The following PNPT1 variants were observed in gnomAD, a reference collection of about 807,000 sequenced individuals.
PNPT1 encodes the protein polyribonucleotide nucleotidyltransferase 1.
Under a neutral mutation model 119.5 loss-of-function variants are expected in PNPT1, and 53 were observed. The observed-to-expected ratio is 0.44, with a 90% CI of 0.36 to 0.56. The LOEUF is 0.56. Ranked by LOEUF, PNPT1 falls within the 20% of genes least tolerant of loss-of-function variation. The pLI, the probability that PNPT1 is intolerant of heterozygous loss-of-function variation, is 0.00. For missense variants in PNPT1, 948 were observed against 938.5 expected, an observed-to-expected ratio of 1.01 and a Z score of -0.13; for synonymous variants, 357 against 322.1, an observed-to-expected ratio of 1.11 and a Z score of -1.16.
Position 55,691,848 on chromosome 2 carries a change from TTA to T in PNPT1, c.161+1813_161+1814del, listed in dbSNP as rs869195974. Reference sequence around the variant, plus strand: ...TATATTACTCTTCAATTAAAAATGTTTATATATATATATATATATATATATAT... The same window carrying T: ...TATATTACTCTTCAATTAAAAATGTTTATATATATATATATATATATATAT... On this transcript the variant is annotated intron_variant, in intron 1 of 27. Coordinates refer to ENST00000447944, the MANE Select transcript of PNPT1 (RefSeq NM_033109.5). Among the ~76,000 whole-genome samples, 474 of 87,158 alleles carry T rather than the reference TTA, an allele frequency of 5.4e-3. 8 individuals carry two copies. Among genetic ancestry groups the T allele is most frequent in the East Asian group, 0.037 (88 of 2,386 alleles). The allele number at this position is 87,158 out of a possible 152,430, so 57.2% of individuals were successfully genotyped here. A position where few individuals can be genotyped will look rare whatever the true frequency, so the allele number is the denominator to read the frequency against.
chr2:55,689,504 T>A (rs533389701), intron 1 of PNPT1, among the ~76,000 whole-genome samples: 1 of 152,222 alleles, frequency 6.6e-6, no homozygotes, highest in Non-Finnish European at 1.5e-5. Context: ...GTATAATCCA[T>A]ACAACTGATT....
intron 5 of PNPT1, among the ~76,000 whole-genome samples, chr2:55,681,680 A>G (rs1697252821): frequency 6.6e-6 from 1 of 151,826 alleles, no homozygotes; most frequent in African/African-American, 2.4e-5. Flanking sequence ...CCCTGTCTCT[A>G]CTAAAAATAC....
At chr2:55,675,173 C>T (rs1697025615) in intron 8 of PNPT1, among the ~76,000 whole-genome samples, 1 of 151,856 alleles carries the variant, frequency 6.6e-6, no homozygotes, top group Non-Finnish European at 1.5e-5. Context: ...GAGGCTGAGG[C>T]AGGATGATCA....
At chr2:55,651,791 TAA>T (rs1024830306) in intron 18 of PNPT1, among the ~76,000 whole-genome samples, 16 of 112,750 alleles carry the variant, frequency 1.4e-4, no homozygotes, top group African/African-American at 2.8e-4. Context: ...AAAAAAAAAT[TAA>T]AAAAAAAAAA....
At chr2:55,648,061 T>C (rs1044936914) in intron 18 of PNPT1, among the ~76,000 whole-genome samples, 8 of 152,252 alleles carry the variant, frequency 5.3e-5, no homozygotes, top group Admixed American at 1.3e-4. Flanking sequence ...TATTTTCTTT[T>C]TGTTGGAAAG....
chr2:55,651,197 A>AG (rs1240373550), intron 18 of PNPT1, among the ~76,000 whole-genome samples: 1 of 149,144 alleles, frequency 6.7e-6, no homozygotes, highest in South Asian at 2.1e-4. Flanking sequence ...CTGGGAGGTG[A>AG]GGGGCGCCTC....
intron 1 of PNPT1, among the ~76,000 whole-genome samples, chr2:55,691,878 A>ATATATATATATATATATATTTTTTTTT (rs1326804958): frequency 3.0e-5 from 1 of 33,130 alleles, no homozygotes; most frequent in Admixed American, 4.9e-4. Flanking sequence ...ATATATATAT[A>ATATATATATATATATATATTTTTTTTT]TTTTTTTTTT....
chr2:55,653,347 C>A (rs925657962), intron 18 of PNPT1, among the ~76,000 whole-genome samples: 1 of 152,192 alleles, frequency 6.6e-6, no homozygotes, highest in Non-Finnish European at 1.5e-5. Context: ...GTAATCTAAT[C>A]CTGAAGTTCT....
intron 1 of PNPT1, 68 bp downstream of exon 1, chr2:55,693,595 A>G (rs1697691464): frequency 3.2e-6 from 5 of 1,584,526 alleles, no homozygotes; most frequent in Non-Finnish European, 4.3e-6. Context: ...ACCCTGGGAG[A>G]TGAATACGCT....
chr2:55,686,829 G>A (rs1350742048), intron 2 of PNPT1, among the ~76,000 whole-genome samples: 3 of 152,212 alleles, frequency 2.0e-5, no homozygotes, highest in Non-Finnish European at 4.4e-5. Context: ...TGGAAAGGAT[G>A]TTAAACGTCA....
chr2:55,648,030 G>A (rs559629970), intron 18 of PNPT1, among the ~76,000 whole-genome samples: 30 of 152,202 alleles, frequency 2.0e-4, no homozygotes, highest in African/African-American at 7.2e-4. Context: ...CCGTTGGTTT[G>A]CTTTTTTGCT....
intron 18 of PNPT1, among the ~76,000 whole-genome samples, chr2:55,653,907 TTCTC>T (rs1696294195): frequency 6.6e-6 from 1 of 152,172 alleles, no homozygotes; most frequent in South Asian, 2.1e-4. Flanking sequence ...TTTAGGTTCC[TTCTC>T]TCTTTCTTCT....
chr2:55,641,999 G>T (rs1034998719), intron 25 of PNPT1, among the ~76,000 whole-genome samples: 1 of 151,978 alleles, frequency 6.6e-6, no homozygotes, highest in African/African-American at 2.4e-5. Flanking sequence ...GCACCACCAT[G>T]CCTGGCTAAC....
At chr2:55,682,372 A>C (rs956760078) in intron 5 of PNPT1, among the ~76,000 whole-genome samples, 3 of 151,780 alleles carry the variant, frequency 2.0e-5, no homozygotes, top group African/African-American at 7.3e-5. Flanking sequence ...AGGCAGGGAG[A>C]ATGGTTTGAA....
intron 16 of PNPT1, 21 bp downstream of exon 16, chr2:55,656,284 A>C (rs539698017): frequency 2.5e-6 from 4 of 1,611,860 alleles, no homozygotes; most frequent in Admixed American, 1.7e-5. Context: ...TACCGTATTA[A>C]GTTTACAGAC....
chr2:55,689,111 CA>C (rs1309858424), intron 1 of PNPT1, among the ~76,000 whole-genome samples: 1 of 152,056 alleles, frequency 6.6e-6, no homozygotes. Flanking sequence ...CTGATTTCAT[CA>C]AAATTTAAAA....
At chr2:55,691,431 C>G (rs986565863) in intron 1 of PNPT1, among the ~76,000 whole-genome samples, 1 of 152,026 alleles carries the variant, frequency 6.6e-6, no homozygotes, top group Admixed American at 6.6e-5. Flanking sequence ...ATAAATGTTG[C>G]CAATGGCAAA....
At position 55,654,736 on chromosome 2, in the gene PNPT1, C is replaced by A. The variant is rs1415923977; in HGVS notation, c.1495+164G>T. Among the ~76,000 whole-genome samples, 7 of 151,774 alleles carry A rather than the reference C, an allele frequency of 4.6e-5. No homozygotes were observed. In the East Asian group the frequency reaches 1.4e-3, roughly 29 times the overall value. ...CTAACAGGTGTGTATAAAAGGTTAG[C>A]ATTTTTTTTTAATCTTTTTTGTAGA... is the stretch of plus-strand genomic sequence containing the variant. On this transcript the variant is annotated intron_variant, in intron 18 of 27. Coordinates refer to ENST00000447944, the MANE Select transcript of PNPT1 (RefSeq NM_033109.5).
At chr2:55,672,571 G>C (rs1361559477) in intron 9 of PNPT1, among the ~76,000 whole-genome samples, 3 of 152,136 alleles carry the variant, frequency 2.0e-5, no homozygotes, top group African/African-American at 7.2e-5. Context: ...ATTTCTTTTT[G>C]AGAATTCCAA....
Sources: gnomAD v4.1 joint callset for allele counts (sites outside exome capture counted in the v4.1 genomes callset) on GRCh38, gnomAD v4.1.1 for gene constraint, MANE v1.5 for transcripts, NCBI Gene and HGNC (gene_info 2026-07-23, HGNC 2026-07-21) for gene names.